The following ATAD5 variants were observed in gnomAD, a reference collection of about 807,000 sequenced individuals.
The protein encoded by ATAD5 is ATPase family AAA domain-containing protein 5.
Under a neutral mutation model 176.9 loss-of-function variants are expected in ATAD5, and 58 were observed. The observed-to-expected ratio is 0.33, with a 90% CI of 0.27 to 0.41. ATAD5 has a LOEUF of 0.41. Ranked by LOEUF, ATAD5 falls within the 10% of genes least tolerant of loss-of-function variation. The probability of loss-of-function intolerance (pLI) is 1.00; values close to 1 mark genes in which losing one functional copy is unlikely to be tolerated. For missense variants in ATAD5, 1,789 were observed against 2,094.1 expected (o/e 0.85, Z 2.84); for synonymous variants, 640 against 712.6 (o/e 0.90, Z 1.62).
At chr17:30,878,812 A>G (rs938253418) in intron 17 of ATAD5, among the ~76,000 whole-genome samples, 1 of 139,160 alleles carries the variant, frequency 7.2e-6, no homozygotes, top group African/African-American at 2.8e-5. Flanking sequence ...GCTCACTGCA[A>G]CCTCTGCCTC....
In ATAD5 at chr17:30,893,776, T is replaced by G. The variant is rs752874710; in HGVS notation, c.4923T>G (p.Leu1641=). The change falls in exon 21 of 23, where the codon CTT becomes CTG. Residue 1641 remains leucine (L), a synonymous_variant. Coordinates refer to ENST00000321990, the MANE Select transcript of ATAD5 (RefSeq NM_024857.5). ...CTGCAGGAAAAAAATGTTCTGCCCT[T>G]GTTTCTCATTGTTTAAATTCTCTCT... ...KTTAGKKCSA[L]VSHCLNSLSE... is the part of the protein sequence containing the mutation. 2.5e-6 allele frequency: 4 copies of G among 1,614,116 alleles called. No homozygotes were observed. The highest frequency in any genetic ancestry group is 3.4e-6 in the Non-Finnish European group (4 of 1,179,964).
Position 30,887,266 on chromosome 17 carries a change from C to T in ATAD5, c.4152C>T (p.Thr1384=). 1 of 1,607,460 alleles carries T rather than the reference C, an allele frequency of 6.2e-7. No individual in the cohort carries two copies. Reference sequence around the variant, plus strand: ...GAACTGATGTAAAAGACTTTGTAACCTTGTTAACTGCAAATACTTGTGATA... The same window carrying T: ...GAACTGATGTAAAAGACTTTGTAACTTTGTTAACTGCAAATACTTGTGATA... The part of the protein sequence containing the change: ...NFRTDVKDFV[T]LLTANTCDIR... Residue 1384 remains threonine, a synonymous_variant, in exon 19 of 23, where the codon ACC becomes ACT. Coordinates refer to ENST00000321990, the MANE Select transcript of ATAD5 (RefSeq NM_024857.5).
chr17:30,864,844 A>T (rs939645382), intron 10 of ATAD5: 19 of 151,822 alleles, frequency 1.3e-4, no homozygotes, highest in African/African-American at 4.4e-4. Flanking sequence ...ATGGCTGCAT[A>T]CTATCCCATG....
At chr17:30,844,207 C>T (rs1906322125) in intron 5 of ATAD5, among the ~76,000 whole-genome samples, 168 bp downstream of exon 5, 1 of 152,180 alleles carries the variant, frequency 6.6e-6, no homozygotes, top group African/African-American at 2.4e-5. Flanking sequence ...TCTCGGCTCA[C>T]TGCAGCCTCC....
At chr17:30,855,724 C>T (rs756476869) in intron 7 of ATAD5, among the ~76,000 whole-genome samples, 5 of 151,886 alleles carry the variant, frequency 3.3e-5, no homozygotes, top group Non-Finnish European at 5.9e-5. Context: ...CTGGGCATGA[C>T]GGTGTATGCC....
At chr17:30,865,830 T>C (rs750095989) in intron 11 of ATAD5, 30 bp downstream of exon 11, 47 of 1,371,840 alleles carry the variant, frequency 3.4e-5, no homozygotes, top group Non-Finnish European at 4.7e-5. Context: ...AATTGAGAAA[T>C]AGTTTACAAA....
chr17:30,865,601 C>A, intron 10 of ATAD5, 103 bp from the exon 11 acceptor site: 1 of 606,798 alleles, frequency 1.6e-6, no homozygotes, highest in Non-Finnish European at 2.6e-6. Flanking sequence ...AATATTTCTG[C>A]AAATACCTAC....
rs761986950 is a variant in ATAD5, at chr17:30,894,046, G to C, written c.5193G>C (p.Leu1731Phe). 6.2e-7 allele frequency: 1 copy of C among 1,611,994 alleles called. No individual in the cohort carries two copies. The highest frequency in any genetic ancestry group is 8.5e-7 in the Non-Finnish European group (1 of 1,178,504). ...CTATTTCAAAAGCATTGGAAACCTTGAATTCTTGCAAGAAATTAGGAAGAG... is the reference window on the plus strand; with the variant it reads ...CTATTTCAAAAGCATTGGAAACCTTCAATTCTTGCAAGAAATTAGGAAGAG... ...SSAISKALET[L>F]NSCKKLGRDP... Residue 1731 changes from leucine (L) to phenylalanine (F), a missense_variant, in exon 21 of 23, where the codon TTG becomes TTC. Physicochemically the swap from Leu to Phe is conservative, Grantham distance 22. This residue lies in a region of ATAD5 where 403 missense variants were observed against 495.1 expected (regional missense o/e 0.81). Transcript: ENST00000321990.
At chr17:30,857,468 G>A (rs1232387656) in intron 8 of ATAD5, among the ~76,000 whole-genome samples, 2 of 151,976 alleles carry the variant, frequency 1.3e-5, no homozygotes, top group Non-Finnish European at 2.9e-5. Flanking sequence ...CCCCCGCCTC[G>A]GCCTCACAAA....
chr17:30,888,803 C>T (rs1217820594), intron 19 of ATAD5, among the ~76,000 whole-genome samples: 1 of 152,002 alleles, frequency 6.6e-6, no homozygotes, highest in African/African-American at 2.4e-5. Context: ...TGCAGTGGCT[C>T]ACGCCTGTAA....
At chr17:30,889,295 C>T (rs1229849777) in intron 19 of ATAD5, among the ~76,000 whole-genome samples, 3 of 150,760 alleles carry the variant, frequency 2.0e-5, no homozygotes, top group Admixed American at 2.0e-4. Context: ...GTCCTAGCCT[C>T]CTGAGAAGGC....
chr17:30,835,629 T>C lies in ATAD5; in HGVS notation c.1548T>C (p.Asn516=). The change falls in exon 2 of 23, where the codon AAT becomes AAC. Residue 516 remains asparagine (N), a synonymous_variant. Coordinates refer to ENST00000321990, the MANE Select transcript of ATAD5 (RefSeq NM_024857.5). ...TFFLKEKQYQ[N]RMSLRQRKTE... is the part of the protein sequence containing the mutation. ...TCTTAAAAGAGAAACAATATCAAAATAGAATGAGTTTAAGACAAAGGAAAA... is the reference window on the plus strand; with the variant it reads ...TCTTAAAAGAGAAACAATATCAAAACAGAATGAGTTTAAGACAAAGGAAAA... 1 of 1,608,360 alleles carries C rather than the reference T, an allele frequency of 6.2e-7. No individual in the cohort carries two copies. The highest frequency in any genetic ancestry group is 8.5e-7 in the Non-Finnish European group (1 of 1,178,112).
chr17:30,840,780 A>G lies in ATAD5; in HGVS notation c.2240A>G (p.Glu747Gly). ...GAAAGGAAGAAATTGTCAGAAACAG[A>G]AGTAAGTATTATAAATATCTGTTGG... ...LPERKKLSET[E>G]DSVIIIDSSP... The change falls in exon 4 of 23, where the codon GAA becomes GGA. Residue 747 changes from glutamate to glycine, a missense_variant and splice_region_variant. Physicochemically the swap from Glu to Gly is moderately conservative, Grantham distance 98. This residue lies in a region of ATAD5 where 487 missense variants were observed against 573.6 expected (regional missense o/e 0.85). Transcript: ENST00000321990. The G allele has an allele frequency of 6.3e-7, 1 of 1,595,272 alleles. No individual in the cohort carries two copies. The highest frequency in any genetic ancestry group is 8.5e-7 in the Non-Finnish European group (1 of 1,174,408).
intron 19 of ATAD5, among the ~76,000 whole-genome samples, chr17:30,887,913 CCT>C (rs971919889): frequency 6.6e-6 from 1 of 152,008 alleles, no homozygotes; most frequent in African/African-American, 2.4e-5. Flanking sequence ...CTCATTGCAA[CCT>C]CTGTCTCCCA....
chr17:30,869,101 C>T (rs1908185832), intron 12 of ATAD5, 147 bp from the exon 13 acceptor site: 7 of 888,610 alleles, frequency 7.9e-6, no homozygotes, highest in Non-Finnish European at 1.2e-5. Context: ...GCTGGGATTA[C>T]AGGCATGTGC....
At chr17:30,842,903 C>T (rs931624403) in intron 4 of ATAD5, among the ~76,000 whole-genome samples, 2 of 152,088 alleles carry the variant, frequency 1.3e-5, no homozygotes, top group African/African-American at 4.8e-5. Context: ...ACCATCACAC[C>T]TGGCTAATTT....
intron 10 of ATAD5, chr17:30,864,268 G>T (rs1164905687): frequency 6.6e-6 from 1 of 152,178 alleles, no homozygotes; most frequent in Non-Finnish European, 1.5e-5. Context: ...AGGGAGCTGT[G>T]TTTGTGCTTG....
At chr17:30,843,235 C>G (rs2142322875) in intron 4 of ATAD5, among the ~76,000 whole-genome samples, 1 of 151,898 alleles carries the variant, frequency 6.6e-6, no homozygotes, top group Non-Finnish European at 1.5e-5. Flanking sequence ...GCCTGTAGTC[C>G]TGGCTTCTTG....
chr17:30,853,524 A>T (rs1186075870), intron 6 of ATAD5, among the ~76,000 whole-genome samples: 1 of 152,174 alleles, frequency 6.6e-6, no homozygotes, highest in Non-Finnish European at 1.5e-5. Flanking sequence ...TTTAGTATCT[A>T]TCTGGCTTCA....
Sources: allele counts gnomAD v4.1 joint callset (sites outside exome capture counted in the v4.1 genomes callset), GRCh38; gene constraint gnomAD v4.1.1; regional missense constraint gnomAD v4.1.1; transcripts MANE v1.5; gene names NCBI Gene and HGNC (gene_info 2026-07-23, HGNC 2026-07-21).